The following GATAD2A variants were observed in gnomAD, a reference collection of about 807,000 sequenced individuals.
GATAD2A encodes GATA zinc finger domain containing 2A, also known as transcriptional repressor p66-alpha.
Under a neutral mutation model 68.5 loss-of-function variants are expected in GATAD2A, and 12 were observed. The ratio of observed to expected loss-of-function variants is 0.18; its 90% CI spans 0.11 to 0.28. The LOEUF (loss-of-function observed/expected upper bound fraction) is 0.28, where lower values mean the gene tolerates loss of function less well. Among genes scored for constraint, GATAD2A ranks in the 10% least tolerant of loss-of-function variants. GATAD2A has a pLI of 1.00. For synonymous variants in GATAD2A, 410 were observed against 375.3 expected (o/e 1.09, Z -1.07); for missense variants, 755 against 868.5 (o/e 0.87, Z 1.64).
intron 1 of GATAD2A, among the ~76,000 whole-genome samples, chr19:19,446,500 A>G (rs924087980): frequency 6.6e-6 from 1 of 150,774 alleles, no homozygotes; most frequent in Non-Finnish European, 1.5e-5. Context: ...TTTTTATTCT[A>G]TAATGCCCTT....
At chr19:19,464,010 G>A (rs1400109235) in intron 1 of GATAD2A, among the ~76,000 whole-genome samples, 2 of 152,322 alleles carry the variant, frequency 1.3e-5, no homozygotes, top group East Asian at 1.9e-4. Flanking sequence ...TCTGGAGTGC[G>A]TCCCATGGAT....
chr19:19,436,335 T>C, intron 1 of GATAD2A: 1 of 509,732 alleles, frequency 2.0e-6, no homozygotes, highest in Non-Finnish European at 3.8e-6. Flanking sequence ...CTAGAGAAGA[T>C]GGAGGGAGGC....
intron 1 of GATAD2A, among the ~76,000 whole-genome samples, chr19:19,438,363 T>A (rs1168484411): frequency 6.6e-6 from 1 of 152,158 alleles, no homozygotes; most frequent in Non-Finnish European, 1.5e-5. Context: ...TACCTCAGTC[T>A]CCCAAATAGC....
chr19:19,487,056 T>C (rs2059486783), intron 2 of GATAD2A, among the ~76,000 whole-genome samples: 1 of 152,146 alleles, frequency 6.6e-6, no homozygotes, highest in Admixed American at 6.5e-5. Context: ...CACAGGAGCA[T>C]GCGGGCTCAG....
At chr19:19,482,083 G>GT (rs1197112462) in intron 2 of GATAD2A, among the ~76,000 whole-genome samples, 2 of 152,022 alleles carry the variant, frequency 1.3e-5, no homozygotes, top group East Asian at 3.9e-4. Flanking sequence ...CTCCAGCCTG[G>GT]TTTACAGAAT....
chr19:19,500,263 G>T (rs1001825173), intron 8 of GATAD2A, among the ~76,000 whole-genome samples: 1 of 152,184 alleles, frequency 6.6e-6, no homozygotes, highest in Non-Finnish European at 1.5e-5. Flanking sequence ...GAGATGTGCC[G>T]TTGTCACCAG....
At chr19:19,499,810 G>A (rs1200759176) in intron 8 of GATAD2A, among the ~76,000 whole-genome samples, 1 of 152,226 alleles carries the variant, frequency 6.6e-6, no homozygotes, top group Non-Finnish European at 1.5e-5. Flanking sequence ...CCCGGCCACA[G>A]GATGGTACCG....
chr19:19,496,172 C>CGCGTCGCCAATGTTCCCAACACCA lies in GATAD2A; in HGVS notation c.880_903dup (p.Val294_Ser301dup), dbSNP rs1187192432. 1.2e-6 allele frequency: 2 copies of CGCGTCGCCAATGTTCCCAACACCA among 1,613,692 alleles called. No individual in the cohort carries two copies. The highest frequency in any genetic ancestry group is 2.7e-5 in the African/African-American group (2 of 74,946). On this transcript the variant is annotated inframe_insertion, in exon 7 of 12. Transcript: ENST00000683918. ...GAGGATCATCCAGCAGGGCCTCATC[C>CGCGTCGCCAATGTTCCCAACACCA]GCGTCGCCAATGTTCCCAACACCAG...
At chr19:19,422,118 C>T (rs137864961) in intron 1 of GATAD2A, among the ~76,000 whole-genome samples, 4 of 152,310 alleles carry the variant, frequency 2.6e-5, no homozygotes, top group African/African-American at 9.6e-5. Flanking sequence ...CCACTGCACC[C>T]AGCCAGACCT....
intron 2 of GATAD2A, chr19:19,474,069 T>C: frequency 1.0e-6 from 1 of 985,160 alleles, no homozygotes; most frequent in South Asian, 4.7e-5. Flanking sequence ...CGTGGGAGTG[T>C]GGACGGCTTT....
At chr19:19,416,063 A>G (rs1231264294) in intron 1 of GATAD2A, among the ~76,000 whole-genome samples, 2 of 152,040 alleles carry the variant, frequency 1.3e-5, no homozygotes, top group Non-Finnish European at 2.9e-5. Flanking sequence ...GACTTAAGCC[A>G]TCCTCCCACC....
intron 1 of GATAD2A, among the ~76,000 whole-genome samples, chr19:19,435,372 C>T (rs974065755): frequency 1.4e-4 from 21 of 152,066 alleles, no homozygotes; most frequent in African/African-American, 3.4e-4. Context: ...CACAGGCACA[C>T]GCCACCACAC....
intron 1 of GATAD2A, chr19:19,436,363 A>G: frequency 2.3e-6 from 1 of 428,860 alleles, no homozygotes; most frequent in Non-Finnish European, 4.7e-6. Flanking sequence ...CTGGGATCGC[A>G]CACTGTGCAG....
intron 1 of GATAD2A, among the ~76,000 whole-genome samples, chr19:19,459,495 C>G (rs2147937891): frequency 6.6e-6 from 1 of 152,198 alleles, no homozygotes; most frequent in African/African-American, 2.4e-5. Flanking sequence ...AGGCTCAGCT[C>G]AAGCATCACT....
At chr19:19,490,852 T>G (rs1165300720) in intron 2 of GATAD2A, among the ~76,000 whole-genome samples, 2 of 152,114 alleles carry the variant, frequency 1.3e-5, no homozygotes, top group African/African-American at 2.4e-5. Flanking sequence ...ACTACGGCAC[T>G]CCAGCCTGGG....
chr19:19,465,078 C>G, intron 1 of GATAD2A: 1 of 555,356 alleles, frequency 1.8e-6, no homozygotes, highest in Non-Finnish European at 3.2e-6. Context: ...CCTCTGGCCC[C>G]CAACAGGGCA....
In GATAD2A at chr19:19,475,455, G is replaced by A. The variant is rs569129252; in HGVS notation, c.269+9841G>A. Among the ~76,000 whole-genome samples, 12 of 147,430 alleles carry A rather than the reference G, an allele frequency of 8.1e-5. No individual in the cohort carries two copies. The South Asian group carries it at 2.4e-3, about 29-fold the overall frequency. ...GGGTCCAGACAGGGGGCTCCGGAGC[G>A]GGGTACTCTGTGGGCGGCTCTCTGG... On this transcript the variant is annotated intron_variant, in intron 2 of 11. Transcript: ENST00000683918.
intron 1 of GATAD2A, among the ~76,000 whole-genome samples, chr19:19,437,182 T>C (rs1365101362): frequency 6.6e-6 from 1 of 152,120 alleles, no homozygotes; most frequent in Non-Finnish European, 1.5e-5. Context: ...CAGGCTGGAG[T>C]GTAATGGCAT....
intron 1 of GATAD2A, among the ~76,000 whole-genome samples, chr19:19,456,550 C>T (rs2056957974): frequency 6.6e-6 from 1 of 152,228 alleles, no homozygotes; most frequent in South Asian, 2.1e-4. Context: ...TACTGTGTCC[C>T]TAACCCTTAT....
Sources: gnomAD v4.1 joint callset for allele counts (sites outside exome capture counted in the v4.1 genomes callset) on GRCh38, gnomAD v4.1.1 for gene constraint, MANE v1.5 for transcripts, NCBI Gene and HGNC (gene_info 2026-07-23, HGNC 2026-07-21) for gene names.